MAPK9: variants seen among roughly 807,000 people sequenced by gnomAD.
The protein encoded by MAPK9 is Jun kinase.
MAPK9 carries 30 observed loss-of-function variants against 57.1 expected under a neutral mutation model. That is an observed-to-expected ratio of 0.53 (90% confidence interval 0.39 to 0.71). MAPK9 has a LOEUF of 0.71. MAPK9 is among the 30% of genes least tolerant of loss of function. The pLI is 0.00. For missense variants in MAPK9, 362 were observed against 521.0 expected (o/e 0.69, Z 2.97); for synonymous variants, 155 against 177.0 (o/e 0.88, Z 0.99).
In MAPK9 at chr5:180,238,423, T is replaced by TA. The variant is rs751670885; in HGVS notation, c.1061-21dup. 4 of 1,519,718 alleles carry TA rather than the reference T, an allele frequency of 2.6e-6. No homozygotes were observed. The African/African-American group carries it at 5.5e-5, about 21-fold the overall frequency. The allele number at this position is 1,519,718 out of a possible 1,614,324, so 94.1% of individuals were successfully genotyped here. A position where few individuals can be genotyped will look rare whatever the true frequency, so the allele number is the denominator to read the frequency against. The stretch of plus-strand genomic sequence containing the variant: ...TTAGCTCTTTAATAAAAATACAAGT[T>TA]AAAATGCTTAATCAGTTTCTAAACA... On this transcript the variant is annotated intron_variant, in intron 10 of 11. Transcript: ENST00000452135.
At chr5:180,287,474 A>G (rs1227170827) in intron 1 of MAPK9, among the ~76,000 whole-genome samples, 13 of 152,092 alleles carry the variant, frequency 8.5e-5, no homozygotes, top group Non-Finnish European at 5.9e-5. Flanking sequence ...TCCCATTTGA[A>G]CTCCTTCAAC....
At position 180,249,154 on chromosome 5, in the gene MAPK9, C is replaced by T. The variant is rs1561794069; in HGVS notation, c.451-16G>A. The T allele has an allele frequency of 2.5e-6, 4 of 1,596,062 alleles. No individual in the cohort carries two copies. In the African/African-American group the frequency reaches 5.4e-5, roughly 22 times the overall value. On this transcript the variant is annotated splice_polypyrimidine_tract_variant and intron_variant, in intron 5 of 11. Transcript: ENST00000452135. ...GCTTCAAATCCTAGGAAAGAAATGGCTTAAATTAGTAAAATGAATGAAGCA... is the reference window on the plus strand; with the variant it reads ...GCTTCAAATCCTAGGAAAGAAATGGTTTAAATTAGTAAAATGAATGAAGCA...
At chr5:180,244,778 G>GAA (rs77077681) in intron 7 of MAPK9, among the ~76,000 whole-genome samples, 1 of 127,380 alleles carries the variant, frequency 7.9e-6, no homozygotes, top group Admixed American at 8.0e-5. Flanking sequence ...TGTCTCAAAG[G>GAA]AAAAAAAAAA....
At chr5:180,245,918 T>C (rs1486358804) in intron 7 of MAPK9, 1 of 152,170 alleles carries the variant, frequency 6.6e-6, no homozygotes, top group Non-Finnish European at 1.5e-5. Flanking sequence ...TTTGAAAGAG[T>C]TGGCAAAATT....
chr5:180,288,227 G>A (rs1237625485), intron 1 of MAPK9, among the ~76,000 whole-genome samples: 1 of 152,186 alleles, frequency 6.6e-6, no homozygotes, highest in Non-Finnish European at 1.5e-5. Context: ...CTGCAGAGAT[G>A]CAATCAATCA....
chr5:180,291,032 C>G (rs961294243), intron 1 of MAPK9, among the ~76,000 whole-genome samples: 4 of 152,056 alleles, frequency 2.6e-5, no homozygotes, highest in African/African-American at 9.7e-5. Context: ...TCGAGGAGGG[C>G]CTCACCCAAA....
chr5:180,236,653 G>C, intron 11 of MAPK9, 127 bp from the exon 12 acceptor site: 1 of 970,820 alleles, frequency 1.0e-6, no homozygotes, highest in Non-Finnish European at 1.5e-6. Flanking sequence ...TATGAGTATA[G>C]ACAAGAAGTC....
At chr5:180,259,143 G>C (rs1284119697) in intron 5 of MAPK9, among the ~76,000 whole-genome samples, 1 of 152,142 alleles carries the variant, frequency 6.6e-6, no homozygotes, top group African/African-American at 2.4e-5. Flanking sequence ...ATGTGGTCAA[G>C]TCTTTAGACA....
In MAPK9 at chr5:180,281,421, T is replaced by C. The variant is rs537256833; in HGVS notation, c.-47-813A>G. ...CTCTGCAGGAGCCTGGATGATTTTA[T>C]ACAGAAAACAAGCAAACAAATTGGC... is the stretch of plus-strand genomic sequence containing the variant. On this transcript the variant is annotated intron_variant, in intron 1 of 11. Coordinates refer to ENST00000452135, the MANE Select transcript of MAPK9 (RefSeq NM_002752.5). Among the ~76,000 whole-genome samples the C allele has an allele frequency of 5.7e-4, 87 of 152,382 alleles. 1 individual carries two copies. Among genetic ancestry groups the C allele is most frequent in the Admixed American group, 2.0e-4 (3 of 15,308 alleles).
intron 1 of MAPK9, among the ~76,000 whole-genome samples, chr5:180,284,425 C>T (rs1292759096): frequency 6.6e-6 from 1 of 152,188 alleles, no homozygotes; most frequent in East Asian, 1.9e-4. Flanking sequence ...CTATGAGCAA[C>T]TCAAAACTGG....
intron 1 of MAPK9, among the ~76,000 whole-genome samples, chr5:180,288,515 C>T (rs930657613): frequency 1.3e-5 from 2 of 152,130 alleles, no homozygotes; most frequent in Non-Finnish European, 2.9e-5. Context: ...CTTTAGAGAC[C>T]TACCGAAGTG....
At chr5:180,260,230 T>A (rs970241091) in intron 5 of MAPK9, among the ~76,000 whole-genome samples, 4 of 152,246 alleles carry the variant, frequency 2.6e-5, no homozygotes, top group African/African-American at 9.6e-5. Flanking sequence ...AACGTGGGGA[T>A]GCCTTTGTTT....
At chr5:180,282,926 G>A (rs12518159) in intron 1 of MAPK9, among the ~76,000 whole-genome samples, 26,421 of 152,060 alleles carry the variant, frequency 0.17, 2,447 homozygotes, top group East Asian at 0.31. Context: ...AGAGGCGGAG[G>A]CACATTCGGA....
intron 2 of MAPK9, among the ~76,000 whole-genome samples, chr5:180,271,904 G>A (rs761538627): frequency 1.3e-5 from 2 of 152,046 alleles, no homozygotes; most frequent in Non-Finnish European, 2.9e-5. Flanking sequence ...ATAAATAATA[G>A]ATTTTATTAC....
chr5:180,271,384 C>T (rs1472733498), intron 2 of MAPK9, among the ~76,000 whole-genome samples: 1 of 152,190 alleles, frequency 6.6e-6, no homozygotes, highest in East Asian at 1.9e-4. Flanking sequence ...TCACCTACTC[C>T]CCATTACGAA....
intron 5 of MAPK9, among the ~76,000 whole-genome samples, chr5:180,257,377 G>C (rs1229488821): frequency 2.0e-5 from 3 of 152,204 alleles, no homozygotes; most frequent in Non-Finnish European, 2.9e-5. Context: ...TGCTGTTCTT[G>C]TCTCTCACTA....
intron 5 of MAPK9, among the ~76,000 whole-genome samples, chr5:180,255,260 G>A (rs1296284733): frequency 1.3e-5 from 2 of 152,054 alleles, no homozygotes; most frequent in African/African-American, 2.4e-5. Context: ...AGCTTTTGGA[G>A]GATGCGTCCC....
chr5:180,242,153 G>T lies in MAPK9; in HGVS notation c.871+420C>A, dbSNP rs368374352. Among the ~76,000 whole-genome samples, 131 of 152,318 alleles carry T rather than the reference G, an allele frequency of 8.6e-4. 1 individual carries two copies. The highest frequency in any genetic ancestry group is 6.8e-3 in the Middle Eastern group (2 of 294). On this transcript the variant is annotated intron_variant, in intron 8 of 11. Transcript: ENST00000452135. ...GGCACAGTTTACCTTCATGCGGACAGAATCAAATCTTTTCTTTTTCCTTAA... is the reference window on the plus strand; with the variant it reads ...GGCACAGTTTACCTTCATGCGGACATAATCAAATCTTTTCTTTTTCCTTAA...
rs35493943 is a variant in MAPK9, at chr5:180,240,000, T to C, written c.997-13A>G. On this transcript the variant is annotated splice_polypyrimidine_tract_variant and intron_variant, in intron 9 of 11. Transcript: ENST00000452135. ...TTTGAGGTGGTGGCTAAAAATTAAA[T>C]CATATGTAAAGTCAACAGTAATGCC... 556 of 1,609,352 alleles carry C rather than the reference T, an allele frequency of 3.5e-4. 1 individual carries two copies. In the African/African-American group the frequency reaches 6.5e-3, roughly 19 times the overall value.
Sources: gnomAD v4.1 joint callset for allele counts (sites outside exome capture counted in the v4.1 genomes callset) on GRCh38, gnomAD v4.1.1 for gene constraint, MANE v1.5 for transcripts, NCBI Gene and HGNC (gene_info 2026-07-23, HGNC 2026-07-21) for gene names.